The following RPH3A variants were observed in gnomAD, a reference collection of about 807,000 sequenced individuals.
RPH3A encodes the protein rabphilin-3A.
Under a neutral mutation model 102.2 loss-of-function variants are expected in RPH3A, and 48 were observed. That is an observed-to-expected ratio of 0.47 (90% CI 0.37 to 0.60). The LOEUF is 0.60. Among genes scored for constraint, RPH3A ranks in the 20% least tolerant of loss-of-function variants. The probability of loss-of-function intolerance (pLI) is 0.00; values close to 1 mark genes in which losing one functional copy is unlikely to be tolerated. For synonymous variants in RPH3A, 310 were observed against 324.3 expected, an observed-to-expected ratio of 0.96 and a Z score of 0.47; for missense variants, 781 against 910.1, an observed-to-expected ratio of 0.86 and a Z score of 1.83.
intron 1 of RPH3A, among the ~76,000 whole-genome samples, chr12:112,699,248 A>G (rs751538095): frequency 1.3e-4 from 20 of 152,224 alleles, no homozygotes; most frequent in Admixed American, 3.9e-4. Flanking sequence ...GGTAAAAAGT[A>G]TAGTTACTAT....
At chr12:112,869,821 G>C (rs1349894723) in intron 9 of RPH3A, 24 bp downstream of exon 9, 3 of 1,614,130 alleles carry the variant, frequency 1.9e-6, no homozygotes, top group Non-Finnish European at 2.5e-6. Flanking sequence ...ACTCTGTTTT[G>C]TCATTTGAGA....
chr12:112,793,619 C>A (rs1205325208), intron 2 of RPH3A, among the ~76,000 whole-genome samples: 1 of 152,226 alleles, frequency 6.6e-6, no homozygotes, highest in Non-Finnish European at 1.5e-5. Context: ...CCTAGCTTCT[C>A]TTGCTGGGTG....
At chr12:112,579,120 T>C (rs1489817493) in intron 1 of RPH3A, among the ~76,000 whole-genome samples, 2 of 152,156 alleles carry the variant, frequency 1.3e-5, no homozygotes, top group African/African-American at 4.8e-5. Flanking sequence ...AATCCCATGG[T>C]GTCTCAAGGG....
At chr12:112,636,620 T>C (rs1374118919) in intron 1 of RPH3A, among the ~76,000 whole-genome samples, 1 of 152,196 alleles carries the variant, frequency 6.6e-6, no homozygotes, top group African/African-American at 2.4e-5. Flanking sequence ...TTGAGAAAGA[T>C]GGCTATGGAA....
At chr12:112,834,410 A>C (rs891639664) in intron 3 of RPH3A, among the ~76,000 whole-genome samples, 13 of 152,236 alleles carry the variant, frequency 8.5e-5, no homozygotes, top group Non-Finnish European at 7.3e-5. Flanking sequence ...GGGCTAGTAC[A>C]AATAAAACTT....
intron 13 of RPH3A, 145 bp from the exon 14 acceptor site, chr12:112,878,974 T>C (rs937601753): frequency 4.2e-6 from 3 of 715,724 alleles, no homozygotes; most frequent in Non-Finnish European, 7.5e-6. Flanking sequence ...TCTACCAAGA[T>C]GAGGAACTCA....
intron 1 of RPH3A, among the ~76,000 whole-genome samples, chr12:112,676,107 C>T (rs1453063638): frequency 1.3e-5 from 2 of 152,040 alleles, no homozygotes; most frequent in Non-Finnish European, 2.9e-5. Flanking sequence ...GGAGAAATAT[C>T]CTGGCTTCTC....
rs999910139 is a variant in RPH3A at position 112,879,040 on chromosome 12, G to A, written c.1172-79G>A. 5.6e-6 allele frequency: 7 copies of A among 1,255,658 alleles called. No individual in the cohort carries two copies. In the Admixed American group the frequency reaches 1.0e-4, roughly 19 times the overall value. 77.8% of individuals were successfully genotyped at this position (1,255,658 alleles called of 1,614,324 possible). The stretch of plus-strand genomic sequence containing the variant: ...GGTCTCAATTCACAGCCCAGCCTGG[G>A]CATATAGTAAGTGTTCAGGAAATGT... On this transcript the variant is annotated intron_variant, in intron 13 of 21. Transcript: ENST00000389385.
chr12:112,890,759 G>T (rs1211017500), intron 18 of RPH3A, 90 bp from the exon 19 acceptor site: 2 of 1,432,632 alleles, frequency 1.4e-6, no homozygotes, highest in Non-Finnish European at 1.9e-6. Flanking sequence ...AGCTTCGCCT[G>T]CCCTTCATAG....
chr12:112,748,787 C>G (rs553940570), intron 1 of RPH3A, among the ~76,000 whole-genome samples: 1 of 152,278 alleles, frequency 6.6e-6, no homozygotes, highest in South Asian at 2.1e-4. Context: ...GCCTGAATGA[C>G]CAGATGTGCC....
chr12:112,599,668 A>G (rs764705351), intron 1 of RPH3A, among the ~76,000 whole-genome samples: 8 of 152,242 alleles, frequency 5.3e-5, no homozygotes, highest in African/African-American at 1.9e-4. Flanking sequence ...AAAAATTTTA[A>G]CTGTAAAAGA....
At position 112,757,318 on chromosome 12, in the gene RPH3A, C is replaced by A. The variant is rs531192493; in HGVS notation, c.-139-34825C>A. On this transcript the variant is annotated intron_variant, in intron 1 of 21. Transcript: ENST00000543106. Reference sequence around the variant, plus strand: ...ACAGCTCTGCAAGAGGCTGAGGTAACAAGGTCCAAGTTAGTAGCCTTCTGC... The same window carrying A: ...ACAGCTCTGCAAGAGGCTGAGGTAAAAAGGTCCAAGTTAGTAGCCTTCTGC... Among the ~76,000 whole-genome samples the A allele has an allele frequency of 3.6e-4, 55 of 152,286 alleles. 1 individual carries two copies. The highest frequency in any genetic ancestry group is 1.3e-3 in the African/African-American group (54 of 41,566).
chr12:112,892,090 G>A (rs930890022), intron 19 of RPH3A, among the ~76,000 whole-genome samples: 1 of 152,318 alleles, frequency 6.6e-6, no homozygotes, highest in African/African-American at 2.4e-5. Flanking sequence ...GAAATGTTTA[G>A]CACCTCAGTA....
chr12:112,791,865 A>AGG lies in RPH3A; in HGVS notation c.-285_-284dup, dbSNP rs1476843998. The AGG allele has an allele frequency of 3.5e-5, 5 of 141,556 alleles. No individual in the cohort carries two copies. The highest frequency in any genetic ancestry group is 5.3e-5 in the African/African-American group (2 of 37,680). The allele number at this position is 141,556 out of a possible 1,614,324, so 8.8% of individuals were successfully genotyped here. A position where few individuals can be genotyped will look rare whatever the true frequency, so the allele number is the denominator to read the frequency against. ...TACGCGGACTGGAAAGGAAGGGAGA[A>AGG]GGGAGAGAGAGAGAGAGAGAGAGAG... On this transcript the variant is annotated 5_prime_UTR_variant, in exon 1 of 22. Transcript: ENST00000389385.
chr12:112,885,034 G>T (rs2042982305), intron 16 of RPH3A, among the ~76,000 whole-genome samples: 1 of 152,178 alleles, frequency 6.6e-6, no homozygotes, highest in African/African-American at 2.4e-5. Context: ...TCTAAGTTGT[G>T]TGTAGTTGTA....
chr12:112,721,459 G>T (rs770760712), intron 1 of RPH3A, among the ~76,000 whole-genome samples: 122 of 152,322 alleles, frequency 8.0e-4, no homozygotes, highest in Non-Finnish European at 1.5e-3. Flanking sequence ...GAAGCAAACA[G>T]ATGGAGGGCC....
rs2040617378 is a variant in RPH3A at position 112,729,344 on chromosome 12, C to G, written c.-139-62799C>G. ...TCTACAGGTAAGTGTGTCATCAAGCCTGGCTAATTTTTGCATTTTTTTGTA... is the reference window on the plus strand; with the variant it reads ...TCTACAGGTAAGTGTGTCATCAAGCGTGGCTAATTTTTGCATTTTTTTGTA... On this transcript the variant is annotated intron_variant, in intron 1 of 21. Transcript: ENST00000543106. 3.3e-5 allele frequency among the ~76,000 whole-genome samples: 5 copies of G among 152,128 alleles called. 1 individual carries two copies. The South Asian group carries it at 1.0e-3, about 32-fold the overall frequency.
intron 2 of RPH3A, among the ~76,000 whole-genome samples, chr12:112,807,055 G>T (rs564712018): frequency 6.6e-6 from 1 of 152,164 alleles, no homozygotes; most frequent in Admixed American, 6.5e-5. Context: ...AGGCCAGCAT[G>T]GTTAGAGTGT....
At chr12:112,619,492 A>G (rs1048092047) in intron 1 of RPH3A, among the ~76,000 whole-genome samples, 2 of 152,126 alleles carry the variant, frequency 1.3e-5, no homozygotes, top group Non-Finnish European at 2.9e-5. Flanking sequence ...CGTGTTGGCC[A>G]GGCTGGTCTC....
Sources: gnomAD v4.1 joint callset for allele counts (sites outside exome capture counted in the v4.1 genomes callset) on GRCh38, gnomAD v4.1.1 for gene constraint, MANE v1.5 for transcripts, NCBI Gene and HGNC (gene_info 2026-07-23, HGNC 2026-07-21) for gene names.